The following FAAH2 variants were observed in gnomAD, a reference collection of about 807,000 sequenced individuals.
FAAH2 encodes fatty acid amide hydrolase 2.
In FAAH2, 60 loss-of-function variants were observed where a neutral mutation model predicts 36.9. The observed-to-expected ratio is 1.63, with a 90% CI of 1.32 to 2.02. FAAH2 has a LOEUF of 2.02. FAAH2 is among the 30% of genes most tolerant of loss of function. The pLI is 0.00. For synonymous variants in FAAH2, 214 were observed against 143.8 expected (o/e 1.49, Z -3.49); for missense variants, 689 against 397.5 (o/e 1.73, Z -6.23).
At chrX:57,268,376 T>C in the FAAH2 span, among the ~76,000 whole-genome samples, 5 of 111,676 alleles carry the variant, frequency 4.5e-5, no homozygotes, top group Admixed American at 9.5e-5. Context: ...CTATGACTGA[T>C]TGGTGTACCT....
chrX:57,365,842 G>A (rs922069245), intron 5 of FAAH2, among the ~76,000 whole-genome samples: 7 of 112,013 alleles, frequency 6.2e-5, no homozygotes, highest in Admixed American at 5.7e-4. Flanking sequence ...GGTCTGTTAC[G>A]TTATTAATGC....
At chrX:57,152,910 TC>T in the FAAH2 span, among the ~76,000 whole-genome samples, 9 of 105,965 alleles carry the variant, frequency 8.5e-5, no homozygotes, top group East Asian at 2.9e-4. Context: ...CCACCTTGGC[TC>T]CCCCCCCGCT....
chrX:57,351,667 A>T lies in FAAH2; in HGVS notation c.742+10277A>T, dbSNP rs1003457911. ...TTGAAATTTATACCACAGATATAAA[A>T]AAAGATTATTGGAGACTATTATGAA... is the stretch of plus-strand genomic sequence containing the variant. On this transcript the variant is annotated intron_variant, in intron 5 of 10. Coordinates refer to ENST00000374900, the MANE Select transcript of FAAH2 (RefSeq NM_174912.4). 2.7e-5 allele frequency among the ~76,000 whole-genome samples: 3 copies of T among 109,821 alleles called. No individual in the cohort carries two copies. In the Admixed American group the frequency reaches 2.9e-4, roughly 11 times the overall value.
At chrX:57,261,552 C>CAAAAAAAAAAAAAA in the FAAH2 span, among the ~76,000 whole-genome samples, 1 of 23,380 alleles carries the variant, frequency 4.3e-5, no homozygotes, top group East Asian at 1.4e-3. Context: ...GACTCTGTCT[C>CAAAAAAAAAAAAAA]AAAAAAAAAA....
intron 9 of FAAH2, among the ~76,000 whole-genome samples, chrX:57,447,982 CA>C (rs890890069): frequency 1.8e-5 from 2 of 111,941 alleles, no homozygotes; most frequent in African/African-American, 6.5e-5. Flanking sequence ...GCAAATTTTC[CA>C]AACGTTTATT....
At chrX:57,332,403 T>A (rs1232648117) in intron 4 of FAAH2, among the ~76,000 whole-genome samples, 5 of 112,202 alleles carry the variant, frequency 4.5e-5, no homozygotes, top group African/African-American at 9.7e-5. Flanking sequence ...ATTCACACAA[T>A]AAGAACAAAA....
intron 2 of FAAH2, among the ~76,000 whole-genome samples, chrX:57,302,673 A>G (rs778825573): frequency 9.0e-6 from 1 of 111,077 alleles, no homozygotes; most frequent in South Asian, 3.8e-4. Context: ...TCCTCCTTGG[A>G]TTTCGCTCCC....
chrX:57,466,440 GTATA>G (rs749402672), intron 10 of FAAH2, among the ~76,000 whole-genome samples: 2 of 94,339 alleles, frequency 2.1e-5, no homozygotes, highest in Admixed American at 1.3e-4. Flanking sequence ...TACTGGAAAA[GTATA>G]TATATATATA....
the FAAH2 span, among the ~76,000 whole-genome samples, chrX:57,216,495 CGTATAT>C: frequency 3.7e-5 from 2 of 54,383 alleles, no homozygotes; most frequent in Non-Finnish European, 6.3e-5. Flanking sequence ...TATATATATA[CGTATAT>C]GTATATATAT....
chrX:57,293,066 T>C (rs5960951), intron 2 of FAAH2, among the ~76,000 whole-genome samples: 40,163 of 110,106 alleles, frequency 0.36, 6,339 homozygotes, highest in Middle Eastern at 0.62. Flanking sequence ...GGCCAAAAAC[T>C]TGGATTATTT....
intron 5 of FAAH2, among the ~76,000 whole-genome samples, chrX:57,359,678 C>T (rs1315065940): frequency 9.0e-6 from 1 of 111,398 alleles, no homozygotes; most frequent in Non-Finnish European, 1.9e-5. Context: ...ATGTTTTTGT[C>T]CTTTAATCTC....
intron 7 of FAAH2, among the ~76,000 whole-genome samples, chrX:57,397,410 A>AT (rs1013230576): frequency 9.0e-6 from 1 of 111,629 alleles, no homozygotes; most frequent in African/African-American, 3.3e-5. Context: ...TGTCAGTGTC[A>AT]TTTTTTTGTT....
chrX:57,249,469 C>A, the FAAH2 span, among the ~76,000 whole-genome samples: 1 of 111,932 alleles, frequency 8.9e-6, no homozygotes, highest in Non-Finnish European at 1.9e-5. Flanking sequence ...CTTCCAGGCC[C>A]CAGACCCTAG....
intron 5 of FAAH2, among the ~76,000 whole-genome samples, chrX:57,347,622 T>C (rs2053860490): frequency 1.9e-5 from 1 of 52,754 alleles, no homozygotes; most frequent in South Asian, 8.4e-4. Context: ...TTTTTTTTTT[T>C]TTTTTTTTTT....
the FAAH2 span, among the ~76,000 whole-genome samples, chrX:57,217,409 T>C: frequency 1.8e-5 from 2 of 111,943 alleles, no homozygotes; most frequent in Admixed American, 9.5e-5. Context: ...GTTTTTATAG[T>C]TTTAGGTCTT....
At chrX:57,191,393 C>T in the FAAH2 span, among the ~76,000 whole-genome samples, 1 of 111,339 alleles carries the variant, frequency 9.0e-6, no homozygotes, top group South Asian at 3.7e-4. Context: ...TTATTAATCC[C>T]TTGTCAGATG....
chrX:57,436,274 C>A (rs1232558532), intron 8 of FAAH2, among the ~76,000 whole-genome samples: 1 of 109,599 alleles, frequency 9.1e-6, no homozygotes, highest in African/African-American at 3.3e-5. Flanking sequence ...AGGAACATTA[C>A]AAATTAACAA....
At chrX:57,423,514 A>G (rs752375146) in intron 7 of FAAH2, among the ~76,000 whole-genome samples, 1 of 111,807 alleles carries the variant, frequency 8.9e-6, no homozygotes, top group African/African-American at 3.2e-5. Context: ...TGCCAATGGT[A>G]GGTTGCAGGA....
rs148089289 is a variant in FAAH2 at position 57,375,671 on chromosome X, T to G, written c.743-2980T>G. Among the ~76,000 whole-genome samples, 456 of 111,314 alleles carry G rather than the reference T, an allele frequency of 4.1e-3. 3 individuals are homozygous for G. Among genetic ancestry groups the G allele is most frequent in the African/African-American group, 0.014 (436 of 30,703 alleles). On this transcript the variant is annotated intron_variant, in intron 5 of 10. Coordinates refer to ENST00000374900, the MANE Select transcript of FAAH2 (RefSeq NM_174912.4). ...ATAGACAATGGTTTGGAAGAATTAT[T>G]ATCTTTTTATATATCTATTGGCCAT...
Sources: allele counts gnomAD v4.1 joint callset (sites outside exome capture counted in the v4.1 genomes callset), GRCh38; gene constraint gnomAD v4.1.1; transcripts MANE v1.5; gene names NCBI Gene and HGNC (gene_info 2026-07-23, HGNC 2026-07-21).